OCIAD2: variants seen among roughly 807,000 people sequenced by gnomAD.
OCIAD2 encodes OCIA domain containing 2.
A neutral mutation model predicts 22.9 loss-of-function variants in OCIAD2; 29 were observed. The observed-to-expected ratio is 1.27, with a 90% CI of 0.94 to 1.73. The LOEUF (loss-of-function observed/expected upper bound fraction) is 1.73. Among genes scored for constraint, OCIAD2 ranks in the 40% most tolerant of loss-of-function variants. OCIAD2 has a pLI of 0.00. For synonymous variants in OCIAD2, 67 were observed against 60.2 expected, an observed-to-expected ratio of 1.11 and a Z score of -0.52; for missense variants, 189 against 180.3, an observed-to-expected ratio of 1.05 and a Z score of -0.28.
chr4:48,902,591 C>G (rs763408197), intron 2 of OCIAD2, among the ~76,000 whole-genome samples: 5 of 152,238 alleles, frequency 3.3e-5, no homozygotes, highest in Non-Finnish European at 5.9e-5. Flanking sequence ...AATATTTGCT[C>G]TTGCTCTTGG....
rs541603200 is a variant in OCIAD2 at position 48,901,856 on chromosome 4, C to A, written c.67-1931G>T. ...CTCCTGGGCTCAAGTTAACCTCCCA[C>A]CTCAGCCTCCTGAGTAGCTGGGACT... On this transcript the variant is annotated intron_variant, in intron 2 of 6. Coordinates refer to ENST00000508632, the MANE Select transcript of OCIAD2 (RefSeq NM_001014446.3). 2.6e-5 allele frequency among the ~76,000 whole-genome samples: 4 copies of A among 152,284 alleles called. No individual in the cohort carries two copies. In the East Asian group the frequency reaches 7.7e-4, roughly 29 times the overall value.
chr4:48,893,142 C>A, intron 5 of OCIAD2: 1 of 244,440 alleles, frequency 4.1e-6, no homozygotes, highest in Non-Finnish European at 7.8e-6. Context: ...GACAGATGGC[C>A]AGAGAGGGCC....
chr4:48,896,771 T>TA (rs34978639), intron 4 of OCIAD2, among the ~76,000 whole-genome samples: 24 of 150,986 alleles, frequency 1.6e-4, no homozygotes, highest in African/African-American at 3.9e-4. Flanking sequence ...TCGTCTCATT[T>TA]AAAAAAAAAA....
intron 2 of OCIAD2, among the ~76,000 whole-genome samples, chr4:48,902,276 T>C (rs1346476792): frequency 6.6e-6 from 1 of 152,200 alleles, no homozygotes; most frequent in African/African-American, 2.4e-5. Flanking sequence ...TTCTGTGTAA[T>C]AGATGTCAAT....
At chr4:48,901,375 G>A (rs188907059) in intron 2 of OCIAD2, among the ~76,000 whole-genome samples, 3 of 152,042 alleles carry the variant, frequency 2.0e-5, no homozygotes, top group Admixed American at 1.3e-4. Flanking sequence ...TTGCTAGACC[G>A]CTCTCAATTG....
At chr4:48,894,264 G>T (rs1218769584) in intron 4 of OCIAD2, among the ~76,000 whole-genome samples, 1 of 152,072 alleles carries the variant, frequency 6.6e-6, no homozygotes, top group Non-Finnish European at 1.5e-5. Context: ...GCCGAGGCGG[G>T]CAGATCACCT....
Position 48,885,504 on chromosome 4 carries a change from A to G in OCIAD2, c.445T>C (p.Ser149Pro), listed in dbSNP as rs1780955687. Residue 149 changes from serine (S) to proline (P), a missense_variant, in exon 7 of 7, where the codon TCT becomes CCT. Ser to Pro is a moderately conservative substitution (Grantham distance 74). Transcript: ENST00000508632. ...IKHGLSEKGD[S>P]QPSAS ...AGAATTTAGGAAGCTGAAGGCTGAGAGTCTCCCTTCTCACTTAATCCATGC... is the reference window on the plus strand; with the variant it reads ...AGAATTTAGGAAGCTGAAGGCTGAGGGTCTCCCTTCTCACTTAATCCATGC... 6 of 1,606,412 alleles carry G rather than the reference A, an allele frequency of 3.7e-6. No individual in the cohort carries two copies. Among genetic ancestry groups the G allele is most frequent in the African/African-American group, 1.3e-5 (1 of 74,818 alleles).
At position 48,888,773 on chromosome 4, in the gene OCIAD2, T is replaced by C. The variant is rs369852971; in HGVS notation, c.384-3208A>G. ...TTGAGGATTTTTGCATCAATGTTCA[T>C]CAGGGATATTGGTCTAAAATTCTCT... On this transcript the variant is annotated intron_variant, in intron 6 of 6. Transcript: ENST00000508632. Among the ~76,000 whole-genome samples the C allele has an allele frequency of 1.5e-3, 223 of 152,348 alleles. 1 individual carries two copies. Among genetic ancestry groups the C allele is most frequent in the South Asian group, 0.011 (52 of 4,832 alleles).
chr4:48,888,098 C>A (rs1781044482), intron 6 of OCIAD2, among the ~76,000 whole-genome samples: 3 of 152,110 alleles, frequency 2.0e-5, no homozygotes, highest in Admixed American at 1.3e-4. Context: ...TTCTTTGAAG[C>A]AATTGTGATG....
At chr4:48,887,205 T>A (rs1229269880) in intron 6 of OCIAD2, among the ~76,000 whole-genome samples, 2 of 152,252 alleles carry the variant, frequency 1.3e-5, no homozygotes, top group East Asian at 3.9e-4. Context: ...TCTTGTAAAT[T>A]TGTTTGAGTT....
At chr4:48,886,002 T>C (rs1361532621) in intron 6 of OCIAD2, among the ~76,000 whole-genome samples, 2 of 152,216 alleles carry the variant, frequency 1.3e-5, no homozygotes, top group Non-Finnish European at 2.9e-5. Context: ...TCCTTGCCCA[T>C]GCCTATGTCC....
chr4:48,886,835 T>G (rs1386310498), intron 6 of OCIAD2, among the ~76,000 whole-genome samples: 1 of 152,254 alleles, frequency 6.6e-6, no homozygotes, highest in Non-Finnish European at 1.5e-5. Context: ...GCAGGCTTTA[T>G]AATCCTTTGG....
chr4:48,888,608 C>G (rs965455285), intron 6 of OCIAD2, among the ~76,000 whole-genome samples: 1 of 152,096 alleles, frequency 6.6e-6, no homozygotes, highest in African/African-American at 2.4e-5. Context: ...TGGTTTTGGT[C>G]TTTGGTTCTG....
At chr4:48,904,267 T>C (rs1232726728) in intron 2 of OCIAD2, among the ~76,000 whole-genome samples, 4 of 152,022 alleles carry the variant, frequency 2.6e-5, no homozygotes, top group African/African-American at 7.3e-5. Context: ...GCTTGGGCAA[T>C]ATAGTGAGAC....
chr4:48,887,040 G>C (rs7662189), intron 6 of OCIAD2, among the ~76,000 whole-genome samples: 139,212 of 148,396 alleles, frequency 0.94, 65,367 homozygotes, highest in East Asian at 1. Context: ...ATTCTAACTG[G>C]TGTGAGATGG....
At chr4:48,885,979 T>G (rs1780975815) in intron 6 of OCIAD2, among the ~76,000 whole-genome samples, 1 of 152,228 alleles carries the variant, frequency 6.6e-6, no homozygotes, top group Non-Finnish European at 1.5e-5. Context: ...CTTTTGGTGT[T>G]TTAGACATGA....
chr4:48,890,166 T>A (rs189739899), intron 6 of OCIAD2, among the ~76,000 whole-genome samples: 1 of 151,176 alleles, frequency 6.6e-6, no homozygotes, highest in East Asian at 2.0e-4. Flanking sequence ...AATGATGAGT[T>A]AATGGGTGCA....
At chr4:48,902,633 C>T (rs1781440433) in intron 2 of OCIAD2, among the ~76,000 whole-genome samples, 1 of 152,148 alleles carries the variant, frequency 6.6e-6, no homozygotes, top group Non-Finnish European at 1.5e-5. Context: ...GGACTGCCTC[C>T]CCTTAATAAA....
At chr4:48,904,692 G>A in intron 1 of OCIAD2, 81 bp from the exon 2 acceptor site, 1 of 757,580 alleles carries the variant, frequency 1.3e-6, no homozygotes, top group Non-Finnish European at 2.2e-6. Flanking sequence ...ATCCACTGGA[G>A]TTATTTGGAA....
Sources: gnomAD v4.1 joint callset for allele counts (sites outside exome capture counted in the v4.1 genomes callset) on GRCh38, gnomAD v4.1.1 for gene constraint, MANE v1.5 for transcripts, NCBI Gene and HGNC (gene_info 2026-07-23, HGNC 2026-07-21) for gene names.